Variants in ADH5 observed in about 807,000 individuals in gnomAD.
The protein encoded by ADH5 is alcohol dehydrogenase 5 (class III), chi polypeptide, also known as alcohol dehydrogenase class-3.
ADH5 carries 32 observed loss-of-function variants against 40.3 expected under a neutral mutation model. The observed-to-expected ratio is 0.79, with a 90% confidence interval of 0.60 to 1.07. The LOEUF (loss-of-function observed/expected upper bound fraction) is 1.07, where lower values mean the gene tolerates loss of function less well. Ranked by LOEUF, ADH5 falls within the 50% of genes least tolerant of loss-of-function variation. The pLI is 0.00. For synonymous variants in ADH5, 125 were observed against 154.3 expected, an observed-to-expected ratio of 0.81 and a Z score of 1.41; for missense variants, 353 against 460.5, an observed-to-expected ratio of 0.77 and a Z score of 2.14.
chr4:99,076,332 A>G lies in ADH5; in HGVS notation c.785T>C (p.Val262Ala), dbSNP rs769239477. The G allele has an allele frequency of 6.2e-7, 1 of 1,614,028 alleles. No homozygotes were observed. The highest frequency in any genetic ancestry group is 8.5e-7 in the Non-Finnish European group (1 of 1,179,954). The change falls in exon 6 of 9, where the codon GTG becomes GCG. Residue 262 changes from valine (V) to alanine (A), a missense_variant. Transcript: ENST00000296412. The stretch of plus-strand genomic sequence containing the variant: ...ACCAATACATTCAAAGGAATAGTCC[A>G]CTCCTCCATCGGTCATCTCAATGAG... ...EVLIEMTDGG[V>A]DYSFECIGNV...
chr4:99,085,932 G>A lies in ADH5; in HGVS notation c.13-716C>T, dbSNP rs370487932. 1.8e-3 allele frequency among the ~76,000 whole-genome samples: 274 copies of A among 152,298 alleles called. 9 individuals carry two copies. The South Asian group carries it at 0.055, about 30-fold the overall frequency. ...CATCTGTGTGGTCCCAGCTACTCAGGAGGCTGAGGCAGGAGAATGGCTTGA... is the reference window on the plus strand; with the variant it reads ...CATCTGTGTGGTCCCAGCTACTCAGAAGGCTGAGGCAGGAGAATGGCTTGA... On this transcript the variant is annotated intron_variant, in intron 1 of 8. Transcript: ENST00000296412.
intron 1 of ADH5, 62 bp downstream of exon 1, chr4:99,088,627 C>T (rs1728198468): frequency 6.4e-7 from 1 of 1,552,402 alleles, no homozygotes; most frequent in South Asian, 1.2e-5. Flanking sequence ...AGGATAGCAG[C>T]CTAGTCCCAT....
chr4:99,081,171 G>C (rs1579364143), intron 4 of ADH5, among the ~76,000 whole-genome samples, 194 bp downstream of exon 4: 1 of 141,788 alleles, frequency 7.1e-6, no homozygotes, highest in Non-Finnish European at 1.5e-5. Context: ...CCCCTACAAA[G>C]GTCTCCCCCC....
At chr4:99,087,399 G>T (rs916404865) in intron 1 of ADH5, among the ~76,000 whole-genome samples, 17 of 137,246 alleles carry the variant, frequency 1.2e-4, no homozygotes, top group South Asian at 5.4e-4. Flanking sequence ...GCGGGGGAGG[G>T]GGGGGGGAGG....
intron 2 of ADH5, 35 bp downstream of exon 2, chr4:99,085,080 C>T: frequency 1.7e-6 from 2 of 1,174,738 alleles, no homozygotes; most frequent in Non-Finnish European, 2.3e-6. Context: ...CTCATTGTGT[C>T]TCTTTTTTTC....
In ADH5 at chr4:99,082,117, C is replaced by G. The variant is rs1242614301; in HGVS notation, c.115-1G>C. The G allele has an allele frequency of 6.2e-7, 1 of 1,613,494 alleles. No individual in the cohort carries two copies. Among genetic ancestry groups the G allele is most frequent in the Non-Finnish European group, 8.5e-7 (1 of 1,179,632 alleles). On this transcript the variant is annotated splice_acceptor_variant, in intron 2 of 8. Coordinates refer to ENST00000296412, the MANE Select transcript of ADH5 (RefSeq NM_000671.4). LOFTEE classifies it high-confidence loss of function. ...TGTGGCAAACCGCAGTGGCAATGAT[C>G]TATCAGGACATTAAAACAACGAATG...
chr4:99,085,979 G>A (rs1219012434), intron 1 of ADH5, among the ~76,000 whole-genome samples: 1 of 152,164 alleles, frequency 6.6e-6, no homozygotes, highest in Non-Finnish European at 1.5e-5. Context: ...GGAGGTTGCA[G>A]TGAGCCGAGA....
At position 99,076,710 on chromosome 4, in the gene ADH5, A is replaced by G; in HGVS notation, c.558T>C (p.Thr186=). Residue 186 remains threonine, a synonymous_variant, in exon 5 of 9, where the codon ACT becomes ACC. Transcript: ENST00000296412. ...ISTGYGAAVN[T]AKLEPGSVCA... is the part of the protein sequence containing the mutation. ...ACCCAAGTCAGTCTCTTACCTTGGCAGTGTTCACAGCAGCACCATAACCGG... is the reference window on the plus strand; with the variant it reads ...ACCCAAGTCAGTCTCTTACCTTGGCGGTGTTCACAGCAGCACCATAACCGG... The G allele has an allele frequency of 6.2e-7, 1 of 1,613,780 alleles. No individual in the cohort carries two copies. Among genetic ancestry groups the G allele is most frequent in the East Asian group, 2.2e-5 (1 of 44,892 alleles).
chr4:99,086,934 C>T (rs1247249817), intron 1 of ADH5, among the ~76,000 whole-genome samples: 2 of 62,194 alleles, frequency 3.2e-5, no homozygotes, highest in Middle Eastern at 0.016. Context: ...AGCAAGACTG[C>T]GTCTCAAAAA....
intron 3 of ADH5, 27 bp from the exon 4 acceptor site, chr4:99,081,479 A>ATGT: frequency 6.9e-7 from 1 of 1,458,264 alleles, no homozygotes; most frequent in Non-Finnish European, 9.5e-7. Flanking sequence ...AGACATCCTG[A>ATGT]ATAGGTAGTA....
chr4:99,084,348 G>A (rs1728087710), intron 2 of ADH5, among the ~76,000 whole-genome samples: 1 of 152,166 alleles, frequency 6.6e-6, no homozygotes, highest in Admixed American at 6.5e-5. Flanking sequence ...GGCAATGAAA[G>A]TGACCTCTGG....
intron 8 of ADH5, 21 bp from the exon 9 acceptor site, chr4:99,072,462 C>G (rs1189423870): frequency 1.9e-6 from 3 of 1,612,584 alleles, no homozygotes; most frequent in South Asian, 1.1e-5. Context: ...AAGCAACATA[C>G]TAAGTTTTAA....
In ADH5 at chr4:99,072,397, C is replaced by A. The variant is rs1727852010; in HGVS notation, c.*20G>T. 1 of 1,611,872 alleles carries A rather than the reference C, an allele frequency of 6.2e-7. No homozygotes were observed. The highest frequency in any genetic ancestry group is 8.5e-7 in the Non-Finnish European group (1 of 1,178,880). On this transcript the variant is annotated 3_prime_UTR_variant, in exon 9 of 9. Transcript: ENST00000296412. ...TCCTATCACATCACGACAGGATGGA[C>A]ATTATTTTTCTCTTTTGAATTAAAT...
rs1276230789 is a variant in ADH5 at position 99,076,706 on chromosome 4, T to G, written c.562A>C (p.Lys188Gln). ...AAAAACCCAAGTCAGTCTCTTACCT[T>G]GGCAGTGTTCACAGCAGCACCATAA... ...TGYGAAVNTA[K>Q]LEPGSVCAVF... The change falls in exon 5 of 9, where the codon AAG becomes CAG. Residue 188 changes from lysine (K) to glutamine (Q), a missense_variant and splice_region_variant. By Grantham distance (53) the Lys-to-Gln change is moderately conservative. Transcript: ENST00000296412. 6.2e-7 allele frequency: 1 copy of G among 1,613,656 alleles called. No homozygotes were observed. Among genetic ancestry groups the G allele is most frequent in the Non-Finnish European group, 8.5e-7 (1 of 1,179,764 alleles).
At chr4:99,083,542 GCGAGC>G (rs1486901442) in intron 2 of ADH5, among the ~76,000 whole-genome samples, 1 of 140,906 alleles carries the variant, frequency 7.1e-6, no homozygotes, top group Non-Finnish European at 1.5e-5. Flanking sequence ...AGGGGTTGCA[GCGAGC>G]CGAGATCGCA....
intron 7 of ADH5, 68 bp from the exon 8 acceptor site, chr4:99,072,779 A>C: frequency 1.4e-6 from 2 of 1,438,508 alleles, no homozygotes; most frequent in East Asian, 2.3e-5. Flanking sequence ...AGCTGAGGAC[A>C]AAAGGCATTT....
At chr4:99,086,939 C>CAA (rs58359709) in intron 1 of ADH5, among the ~76,000 whole-genome samples, 81 of 64,240 alleles carry the variant, frequency 1.3e-3, no homozygotes, top group Admixed American at 2.2e-3. Context: ...GACTGCGTCT[C>CAA]AAAAAAAAAA....
intron 2 of ADH5, 98 bp from the exon 3 acceptor site, chr4:99,082,214 A>G: frequency 8.0e-7 from 1 of 1,251,570 alleles, no homozygotes. Context: ...ACTATATTTC[A>G]TTGACTCTAA....
At position 99,088,692 on chromosome 4, in the gene ADH5, G is replaced by C. The variant is rs748458712; in HGVS notation, c.9C>G (p.Asn3Lys). The change falls in exon 1 of 9, where the codon AAC becomes AAG. Residue 3 changes from asparagine (N) to lysine (K), a missense_variant. By Grantham distance (94) the Asn-to-Lys change is moderately conservative (BLOSUM62 0). Transcript: ENST00000296412. The part of the protein sequence containing the change: MA[N>K]EVIKCKAAVA... The stretch of plus-strand genomic sequence containing the variant: ...CCCTCCGCTCAACGGGCCCTACCTC[G>C]TTCGCCATGTTCACGGATTCTGGTC... The C allele has an allele frequency of 1.4e-5, 23 of 1,606,750 alleles. No homozygotes were observed. The highest frequency in any genetic ancestry group is 2.0e-5 in the Non-Finnish European group (23 of 1,176,056).
Sources: gnomAD v4.1 joint callset for allele counts (sites outside exome capture counted in the v4.1 genomes callset) on GRCh38, gnomAD v4.1.1 for gene constraint, MANE v1.5 for transcripts, NCBI Gene and HGNC (gene_info 2026-07-23, HGNC 2026-07-21) for gene names.